Variants in CNTNAP2 observed in about 807,000 individuals in gnomAD.
CNTNAP2 encodes the protein contactin-associated protein-like 2.
CNTNAP2 carries 98 observed loss-of-function variants against 155.2 expected under a neutral mutation model. The observed-to-expected ratio is 0.63, with a 90% CI of 0.54 to 0.75. The LOEUF (loss-of-function observed/expected upper bound fraction) is 0.75, where lower values mean the gene tolerates loss of function less well. CNTNAP2 is among the 30% of genes least tolerant of loss of function. The probability of loss-of-function intolerance (pLI) is 0.00; values close to 1 mark genes in which losing one functional copy is unlikely to be tolerated. For synonymous variants in CNTNAP2, 651 were observed against 631.2 expected, an observed-to-expected ratio of 1.03 and a Z score of -0.47; for missense variants, 1,727 against 1,688.1, an observed-to-expected ratio of 1.02 and a Z score of -0.40.
At chr7:147,135,782 T>TA (rs58906795) in intron 8 of CNTNAP2, among the ~76,000 whole-genome samples, 12,479 of 141,228 alleles carry the variant, frequency 0.088, 690 homozygotes, top group African/African-American at 0.16. Context: ...GCTTTATTCT[T>TA]AAAAAAAAAA....
intron 1 of CNTNAP2, among the ~76,000 whole-genome samples, chr7:146,251,044 C>A (rs1284869644): frequency 6.6e-6 from 1 of 151,840 alleles, no homozygotes; most frequent in Admixed American, 6.6e-5. Context: ...GTTAATAGAC[C>A]CTTTCTTATA....
At chr7:148,185,664 A>G (rs1795105098) in intron 18 of CNTNAP2, among the ~76,000 whole-genome samples, 1 of 152,268 alleles carries the variant, frequency 6.6e-6, no homozygotes, top group Admixed American at 6.5e-5. Flanking sequence ...GAATAAAGCT[A>G]TAAGTAAAAT....
chr7:147,419,669 A>G (rs1283449871), intron 10 of CNTNAP2, among the ~76,000 whole-genome samples: 1 of 152,154 alleles, frequency 6.6e-6, no homozygotes, highest in African/African-American at 2.4e-5. Context: ...GTTAGCATAC[A>G]TCTCAGCTGG....
intron 11 of CNTNAP2, among the ~76,000 whole-genome samples, chr7:147,512,100 G>A (rs1255639070): frequency 6.6e-6 from 1 of 152,142 alleles, no homozygotes; most frequent in Non-Finnish European, 1.5e-5. Flanking sequence ...GGAGTTGGGT[G>A]AAAACATATA....
chr7:146,439,158 C>T lies in CNTNAP2; in HGVS notation c.97+322185C>T, dbSNP rs142619831. On this transcript the variant is annotated intron_variant, in intron 1 of 23. Coordinates refer to ENST00000361727, the MANE Select transcript of CNTNAP2 (RefSeq NM_014141.6). ...TTTAAAACTGGAGAGCACATTTCTC[C>T]CCAGAGAAGGGGACTATGTATCCCT... Among the ~76,000 whole-genome samples the T allele has an allele frequency of 1.3e-3, 200 of 151,508 alleles. 10 individuals are homozygous for T. The highest frequency in any genetic ancestry group is 4.5e-3 in the African/African-American group (183 of 40,884).
chr7:146,477,634 C>G (rs1488823365), intron 1 of CNTNAP2, among the ~76,000 whole-genome samples: 2 of 121,122 alleles, frequency 1.7e-5, no homozygotes, highest in Admixed American at 7.5e-5. Flanking sequence ...AACACACACA[C>G]ACACACACAC....
intron 10 of CNTNAP2, among the ~76,000 whole-genome samples, chr7:147,409,851 G>C (rs1201156059): frequency 6.7e-6 from 1 of 148,234 alleles, no homozygotes; most frequent in Non-Finnish European, 1.5e-5. Context: ...ACCACAATAA[G>C]ATACCATCTC....
intron 13 of CNTNAP2, among the ~76,000 whole-genome samples, chr7:147,786,346 C>T (rs1200138083): frequency 6.7e-6 from 1 of 149,946 alleles, no homozygotes; most frequent in East Asian, 2.0e-4. Context: ...CTCACCAGAC[C>T]CAAAGACTCT....
intron 15 of CNTNAP2, among the ~76,000 whole-genome samples, chr7:148,115,893 C>T (rs1804458714): frequency 6.6e-6 from 1 of 151,668 alleles, no homozygotes; most frequent in Non-Finnish European, 1.5e-5. Flanking sequence ...AATCGCAGCA[C>T]TTTGGGAGGC....
At chr7:146,876,598 A>C (rs1585133946) in intron 3 of CNTNAP2, among the ~76,000 whole-genome samples, 1 of 152,092 alleles carries the variant, frequency 6.6e-6, no homozygotes, top group South Asian at 2.1e-4. Context: ...TCCATTCAAC[A>C]ACCATTTATT....
At chr7:147,199,760 A>G (rs1361991895) in intron 8 of CNTNAP2, among the ~76,000 whole-genome samples, 1 of 152,082 alleles carries the variant, frequency 6.6e-6, no homozygotes, top group Non-Finnish European at 1.5e-5. Flanking sequence ...AAAGCAGAGG[A>G]TATACAGAAA....
intron 1 of CNTNAP2, among the ~76,000 whole-genome samples, chr7:146,371,514 A>G (rs61546685): frequency 0.55 from 82,758 of 151,136 alleles, 26,310 homozygotes; most frequent in African/African-American, 0.88. Flanking sequence ...GACTACAGGT[A>G]CCCGCCACCG....
At chr7:146,233,146 A>G (rs957361108) in intron 1 of CNTNAP2, among the ~76,000 whole-genome samples, 9 of 151,952 alleles carry the variant, frequency 5.9e-5, no homozygotes, top group African/African-American at 2.2e-4. Context: ...AAATGTATTC[A>G]GGTGAAAAAG....
chr7:147,375,526 A>G (rs1352374369), intron 9 of CNTNAP2, among the ~76,000 whole-genome samples: 1 of 152,070 alleles, frequency 6.6e-6, no homozygotes, highest in Non-Finnish European at 1.5e-5. Context: ...ACAGAAGGTT[A>G]CATGGCTGCC....
At chr7:148,122,795 G>A (rs1312047041) in intron 16 of CNTNAP2, among the ~76,000 whole-genome samples, 1 of 149,718 alleles carries the variant, frequency 6.7e-6, no homozygotes, top group Non-Finnish European at 1.5e-5. Context: ...CCTTCAATGA[G>A]CCGAGATCAC....
chr7:146,677,690 A>ATTT lies in CNTNAP2; in HGVS notation c.98-96571_98-96569dup, dbSNP rs71165028. Among the ~76,000 whole-genome samples the ATTT allele has an allele frequency of 1.1e-3, 162 of 148,868 alleles. 1 individual carries two copies. Among genetic ancestry groups the ATTT allele is most frequent in the African/African-American group, 3.4e-3 (139 of 40,730 alleles). ...AAGTGAGAACATGCTATAGTTGGTG[A>ATTT]TTTTTTTTTTTTAGGAGAAAGAGGC... On this transcript the variant is annotated intron_variant, in intron 1 of 23. Transcript: ENST00000361727.
At chr7:148,018,751 C>G (rs78533299) in intron 15 of CNTNAP2, among the ~76,000 whole-genome samples, 5,920 of 152,288 alleles carry the variant, frequency 0.039, 376 homozygotes, top group African/African-American at 0.13. Flanking sequence ...GTCCCATGCT[C>G]TCATTTTTGG....
At chr7:146,725,891 C>T (rs529298436) in intron 1 of CNTNAP2, among the ~76,000 whole-genome samples, 1 of 152,272 alleles carries the variant, frequency 6.6e-6, no homozygotes, top group Non-Finnish European at 1.5e-5. Context: ...TGGGGGAAGA[C>T]TGATTTGAGT....
intron 21 of CNTNAP2, among the ~76,000 whole-genome samples, chr7:148,290,665 G>T (rs1467200711): frequency 6.6e-6 from 1 of 152,098 alleles, no homozygotes; most frequent in Non-Finnish European, 1.5e-5. Flanking sequence ...CTAAATTTCT[G>T]CGGCAGATTC....
Sources: gnomAD v4.1 joint callset for allele counts (sites outside exome capture counted in the v4.1 genomes callset) on GRCh38, gnomAD v4.1.1 for gene constraint, MANE v1.5 for transcripts, NCBI Gene and HGNC (gene_info 2026-07-23, HGNC 2026-07-21) for gene names.